TRIQK: variants seen among roughly 807,000 people sequenced by gnomAD.
TRIQK encodes the protein triple QxxK/R motif containing.
In TRIQK, 10 loss-of-function variants were observed where a neutral mutation model predicts 10.8. The observed-to-expected ratio is 0.92, with a 90% CI of 0.57 to 1.57. The LOEUF is 1.57. Among genes scored for constraint, TRIQK ranks in the 40% most tolerant of loss-of-function variants. The pLI is 0.00. For missense variants in TRIQK, 107 were observed against 97.7 expected (o/e 1.09, Z -0.40); for synonymous variants, 33 against 33.7 (o/e 0.98, Z 0.07).
upstream of TRIQK, among the ~76,000 whole-genome samples, chr8:92,967,002 A>AAAAG (rs1812778019): frequency 6.7e-6 from 1 of 149,752 alleles, no homozygotes; most frequent in African/African-American, 2.5e-5. Context: ...AAAAAAAAAA[A>AAAAG]CTGAGACAAG....
intron 1 of TRIQK, among the ~76,000 whole-genome samples, chr8:92,954,948 T>G (rs1195915319): frequency 6.6e-6 from 1 of 151,908 alleles, no homozygotes; most frequent in Non-Finnish European, 1.5e-5. Flanking sequence ...TTATTTTAAT[T>G]TGCACAAGGT....
chr8:93,004,980 A>C (rs1586529406), intron 1 of TRIQK, among the ~76,000 whole-genome samples: 1 of 152,210 alleles, frequency 6.6e-6, no homozygotes, highest in South Asian at 2.1e-4. Context: ...TTCCTGTCTT[A>C]TTCTGATCCC....
At chr8:92,945,388 G>C (rs185996698) in intron 2 of TRIQK, among the ~76,000 whole-genome samples, 1 of 152,250 alleles carries the variant, frequency 6.6e-6, no homozygotes, top group Admixed American at 6.5e-5. Flanking sequence ...TACGGTGTAG[G>C]ATCTAACTTC....
intron 1 of TRIQK, among the ~76,000 whole-genome samples, chr8:93,004,912 A>C (rs541544613): frequency 3.5e-4 from 54 of 152,300 alleles, no homozygotes; most frequent in Non-Finnish European, 6.8e-4. Context: ...TATCACTATC[A>C]GTATTTTGGC....
chr8:92,991,704 A>G (rs935642608), intron 1 of TRIQK, among the ~76,000 whole-genome samples: 34 of 152,156 alleles, frequency 2.2e-4, no homozygotes, highest in African/African-American at 7.5e-4. Flanking sequence ...GGAAGAGAGG[A>G]AGTCAAATTG....
chr8:92,912,451 A>G (rs988751799), intron 3 of TRIQK, among the ~76,000 whole-genome samples: 3 of 151,924 alleles, frequency 2.0e-5, no homozygotes, highest in Non-Finnish European at 2.9e-5. Context: ...TATTAACAAT[A>G]AACAACTAGA....
intron 1 of TRIQK, among the ~76,000 whole-genome samples, chr8:93,009,584 G>A (rs976491881): frequency 5.3e-5 from 8 of 151,870 alleles, no homozygotes; most frequent in African/African-American, 1.9e-4. Flanking sequence ...CTCCAGCCTG[G>A]GTGACAGAGT....
At chr8:92,971,415 G>A (rs186435039) in intron 1 of TRIQK, among the ~76,000 whole-genome samples, 1 of 152,064 alleles carries the variant, frequency 6.6e-6, no homozygotes. Context: ...CAGCCCAAAA[G>A]CTTCTTAAGC....
At chr8:93,000,777 G>A (rs1417187360) in intron 1 of TRIQK, among the ~76,000 whole-genome samples, 1 of 151,518 alleles carries the variant, frequency 6.6e-6, no homozygotes, top group Non-Finnish European at 1.5e-5. Flanking sequence ...GATTCTTCAT[G>A]TTTGCCTCGT....
intron 4 of TRIQK, among the ~76,000 whole-genome samples, chr8:92,891,102 A>G (rs1417018535): frequency 1.3e-5 from 2 of 151,924 alleles, no homozygotes; most frequent in Non-Finnish European, 2.9e-5. Context: ...AGCGAAAAGA[A>G]GGCAGTGTTT....
At chr8:92,904,745 A>G (rs1378136226) in intron 3 of TRIQK, among the ~76,000 whole-genome samples, 3 of 152,200 alleles carry the variant, frequency 2.0e-5, no homozygotes, top group Admixed American at 2.0e-4. Flanking sequence ...ACAACCCCAC[A>G]GTATATCACA....
chr8:92,905,212 AC>A (rs1170608188), intron 3 of TRIQK, among the ~76,000 whole-genome samples: 2 of 152,302 alleles, frequency 1.3e-5, no homozygotes, highest in Admixed American at 1.3e-4. Context: ...GAAGAAAAAT[AC>A]CAGTATATAG....
chr8:92,891,735 A>G lies in TRIQK; in HGVS notation c.147+254T>C, dbSNP rs184060297. On this transcript the variant is annotated intron_variant, in intron 4 of 4. Coordinates refer to ENST00000521988, the MANE Select transcript of TRIQK (RefSeq NM_001171797.2). ...TGTCTGAATAATACACATAGTAGCT[A>G]GAGAGAAAATAAATTGCACCTTTAA... Among the ~76,000 whole-genome samples, 32 of 152,070 alleles carry G rather than the reference A, an allele frequency of 2.1e-4. No homozygotes were observed. In the East Asian group the frequency reaches 6.2e-3, roughly 29 times the overall value.
intron 3 of TRIQK, among the ~76,000 whole-genome samples, chr8:92,915,788 C>T (rs1809806283): frequency 6.6e-6 from 1 of 152,032 alleles, no homozygotes; most frequent in Non-Finnish European, 1.5e-5. Context: ...CGTTAAGTCA[C>T]CGCGCCCGGC....
At chr8:92,924,709 T>G (rs1470985133) in intron 2 of TRIQK, among the ~76,000 whole-genome samples, 1 of 151,842 alleles carries the variant, frequency 6.6e-6, no homozygotes, top group Non-Finnish European at 1.5e-5. Context: ...AATATTAAAA[T>G]GCAGTATTAT....
chr8:92,892,339 C>T (rs1208808957), intron 3 of TRIQK, among the ~76,000 whole-genome samples: 1 of 151,568 alleles, frequency 6.6e-6, no homozygotes, highest in Non-Finnish European at 1.5e-5. Flanking sequence ...TTAGAGAACA[C>T]AAAATTTAAA....
chr8:92,916,809 C>A, intron 3 of TRIQK, 120 bp downstream of exon 3: 1 of 677,192 alleles, frequency 1.5e-6, no homozygotes, highest in Non-Finnish European at 2.1e-6. Flanking sequence ...CTATAAAGTC[C>A]TTTTTCACTC....
chr8:92,946,191 A>T (rs1490634861), intron 2 of TRIQK, among the ~76,000 whole-genome samples: 1 of 152,216 alleles, frequency 6.6e-6, no homozygotes, highest in Admixed American at 6.5e-5. Flanking sequence ...GAAAATTCAC[A>T]TATAGATGGA....
At chr8:92,953,385 T>C (rs921514150) in intron 2 of TRIQK, 4 of 151,958 alleles carry the variant, frequency 2.6e-5, no homozygotes, top group Non-Finnish European at 4.4e-5. Flanking sequence ...TATATTCTTA[T>C]GAAGGATAAT....
Sources: gnomAD v4.1 joint callset for allele counts (sites outside exome capture counted in the v4.1 genomes callset) on GRCh38, gnomAD v4.1.1 for gene constraint, MANE v1.5 for transcripts, NCBI Gene and HGNC (gene_info 2026-07-23, HGNC 2026-07-21) for gene names.